The following MYO3B variants were observed in gnomAD, a reference collection of about 807,000 sequenced individuals.
MYO3B encodes myosin-IIIb.
Under a neutral mutation model 174.6 loss-of-function variants are expected in MYO3B, and 156 were observed. That is an observed-to-expected ratio of 0.89 (90% CI 0.78 to 1.02). The LOEUF (loss-of-function observed/expected upper bound fraction) is 1.02, where lower values mean the gene tolerates loss of function less well. Among genes scored for constraint, MYO3B ranks in the 50% least tolerant of loss-of-function variants. The pLI is 0.00. For missense variants in MYO3B, 1,632 were observed against 1,639.4 expected, an observed-to-expected ratio of 1.00 and a Z score of 0.08; for synonymous variants, 563 against 569.1, an observed-to-expected ratio of 0.99 and a Z score of 0.15.
chr2:170,445,284 T>A (rs2094832246), intron 23 of MYO3B, among the ~76,000 whole-genome samples: 1 of 152,210 alleles, frequency 6.6e-6, no homozygotes, highest in Admixed American at 6.5e-5. Flanking sequence ...CCATGAGGCA[T>A]ATCACAACCT....
intron 22 of MYO3B, among the ~76,000 whole-genome samples, chr2:170,409,497 A>G (rs1021984127): frequency 1.3e-5 from 2 of 152,246 alleles, no homozygotes; most frequent in Non-Finnish European, 2.9e-5. Context: ...TATATTATGC[A>G]TAGTAATTTC....
chr2:170,216,129 C>CACAACAGTT (rs2092825682), intron 5 of MYO3B, among the ~76,000 whole-genome samples: 6 of 22,324 alleles, frequency 2.7e-4, no homozygotes, highest in African/African-American at 1.1e-3. Flanking sequence ...TGTCCGCAGT[C>CACAACAGTT]ATCCCCCAAT....
At chr2:170,241,258 A>G (rs1193834280) in intron 7 of MYO3B, among the ~76,000 whole-genome samples, 3 of 152,210 alleles carry the variant, frequency 2.0e-5, no homozygotes, top group Non-Finnish European at 2.9e-5. Flanking sequence ...GGAGGAAGCA[A>G]TAGAATAGCT....
At chr2:170,217,795 G>A (rs1219995093) in intron 6 of MYO3B, among the ~76,000 whole-genome samples, 1 of 152,146 alleles carries the variant, frequency 6.6e-6, no homozygotes, top group Non-Finnish European at 1.5e-5. Context: ...AACTATATGC[G>A]GTGGCCCTGG....
intron 30 of MYO3B, among the ~76,000 whole-genome samples, chr2:170,535,768 T>C (rs2106184495): frequency 6.6e-6 from 1 of 152,296 alleles, no homozygotes; most frequent in Non-Finnish European, 1.5e-5. Context: ...AGGAAGCTGC[T>C]TCCATCACCG....
intron 32 of MYO3B, among the ~76,000 whole-genome samples, chr2:170,620,748 C>G (rs1674681857): frequency 6.6e-6 from 1 of 152,212 alleles, no homozygotes; most frequent in African/African-American, 2.4e-5. Flanking sequence ...ACCTTTCAGT[C>G]TCGTAACAGG....
intron 32 of MYO3B, among the ~76,000 whole-genome samples, chr2:170,559,150 G>A (rs1420266478): frequency 6.6e-6 from 1 of 152,190 alleles, no homozygotes; most frequent in East Asian, 1.9e-4. Flanking sequence ...ATATTAGTTG[G>A]CCAACCCAGA....
intron 22 of MYO3B, among the ~76,000 whole-genome samples, chr2:170,417,760 T>A (rs761050279): frequency 2.0e-5 from 3 of 152,212 alleles, no homozygotes; most frequent in African/African-American, 7.2e-5. Flanking sequence ...CCCCTTTTTA[T>A]AAGGACATCA....
chr2:170,190,477 A>G (rs908269560), intron 1 of MYO3B, among the ~76,000 whole-genome samples: 2 of 152,082 alleles, frequency 1.3e-5, no homozygotes, highest in Non-Finnish European at 2.9e-5. Flanking sequence ...CTCAGTGATG[A>G]TGTCTGGAAG....
At chr2:170,404,128 C>A in intron 19 of MYO3B, 119 bp from the exon 20 acceptor site, 1 of 1,006,572 alleles carries the variant, frequency 9.9e-7, no homozygotes, top group Non-Finnish European at 1.5e-6. Flanking sequence ...ACACATAAAA[C>A]ATATCCTGCT....
At chr2:170,579,078 A>C (rs1375468776) in intron 32 of MYO3B, among the ~76,000 whole-genome samples, 1 of 152,190 alleles carries the variant, frequency 6.6e-6, no homozygotes, top group African/African-American at 2.4e-5. Context: ...AAGCAATAGA[A>C]GTATAATTCT....
chr2:170,241,032 C>A (rs2093125903), intron 7 of MYO3B, among the ~76,000 whole-genome samples: 1 of 152,128 alleles, frequency 6.6e-6, no homozygotes, highest in South Asian at 2.1e-4. Flanking sequence ...ACCTTCCTTG[C>A]AAAGTTGTAT....
chr2:170,508,411 AC>A (rs1687758488), intron 28 of MYO3B, among the ~76,000 whole-genome samples: 1 of 152,206 alleles, frequency 6.6e-6, no homozygotes, highest in South Asian at 2.1e-4. Flanking sequence ...TTAGACTGTA[AC>A]TACACAATAG....
chr2:170,452,911 C>CA (rs1683680585), intron 23 of MYO3B, among the ~76,000 whole-genome samples: 2 of 152,010 alleles, frequency 1.3e-5, no homozygotes, highest in Non-Finnish European at 2.9e-5. Flanking sequence ...CTGCCATTGT[C>CA]AAAAAAACAA....
At chr2:170,635,315 A>T (rs1439289696) in intron 32 of MYO3B, among the ~76,000 whole-genome samples, 1 of 152,232 alleles carries the variant, frequency 6.6e-6, no homozygotes, top group Admixed American at 6.5e-5. Flanking sequence ...CTTTGTAGTG[A>T]CATGGATGAA....
At chr2:170,316,910 T>A (rs182782912) in intron 7 of MYO3B, among the ~76,000 whole-genome samples, 4 of 152,328 alleles carry the variant, frequency 2.6e-5, no homozygotes, top group Non-Finnish European at 5.9e-5. Context: ...AATCAAAATT[T>A]GGGACCTATA....
intron 28 of MYO3B, among the ~76,000 whole-genome samples, chr2:170,502,481 C>T (rs1171644007): frequency 6.6e-6 from 1 of 152,314 alleles, no homozygotes; most frequent in African/African-American, 2.4e-5. Context: ...CACATGGTGG[C>T]TTTTATGGCT....
chr2:170,523,836 C>T (rs1688830473), intron 30 of MYO3B, among the ~76,000 whole-genome samples: 1 of 152,148 alleles, frequency 6.6e-6, no homozygotes, highest in African/African-American at 2.4e-5. Context: ...AAATCTTTCC[C>T]AGAAGTCACC....
Position 170,225,645 on chromosome 2 carries a change from T to A in MYO3B, c.603+8250T>A, listed in dbSNP as rs145284366. ...TGATTGTGGTTCAGTTATTTTAATA[T>A]GGCTTCAGTTTGAATAAAAAAGCAC... On this transcript the variant is annotated intron_variant, in intron 6 of 34. Coordinates refer to ENST00000408978, the MANE Select transcript of MYO3B (RefSeq NM_138995.5). Among the ~76,000 whole-genome samples the A allele has an allele frequency of 2.6e-5, 4 of 152,338 alleles. No homozygotes were observed. The East Asian group carries it at 7.7e-4, about 29-fold the overall frequency.
Sources: gnomAD v4.1 joint callset for allele counts (sites outside exome capture counted in the v4.1 genomes callset) on GRCh38, gnomAD v4.1.1 for gene constraint, MANE v1.5 for transcripts, NCBI Gene and HGNC (gene_info 2026-07-23, HGNC 2026-07-21) for gene names.